The following CFAP221 variants were observed in gnomAD, a reference collection of about 807,000 sequenced individuals.
CFAP221 encodes the protein cilia- and flagella-associated protein 221.
A neutral mutation model predicts 113.1 loss-of-function variants in CFAP221; 97 were observed. That is an observed-to-expected ratio of 0.86 (90% CI 0.73 to 1.02). CFAP221 has a LOEUF of 1.02. CFAP221 is among the 50% of genes least tolerant of loss of function. The pLI is 0.00. For synonymous variants in CFAP221, 331 were observed against 354.4 expected (o/e 0.93, Z 0.74); for missense variants, 1,025 against 1,013.4 (o/e 1.01, Z -0.16).
Position 119,606,916 on chromosome 2 carries a change from G to A in CFAP221, c.1134-1586G>A, listed in dbSNP as rs541063294. Among the ~76,000 whole-genome samples, 3 of 152,112 alleles carry A rather than the reference G, an allele frequency of 2.0e-5. No homozygotes were observed. In the South Asian group the frequency reaches 6.2e-4, roughly 32 times the overall value. On this transcript the variant is annotated intron_variant, in intron 11 of 23. Transcript: ENST00000413369. Reference sequence around the variant, plus strand: ...TCCACACACATGCACACACACACCTGCATGCACCTTTTTCCCCTGAGCCAT... The same window carrying A: ...TCCACACACATGCACACACACACCTACATGCACCTTTTTCCCCTGAGCCAT...
At position 119,627,811 on chromosome 2, in the gene CFAP221, G is replaced by A. The variant is rs758900173; in HGVS notation, c.1650+25G>A. 1.3e-5 allele frequency: 21 copies of A among 1,612,032 alleles called. No homozygotes were observed. In the East Asian group the frequency reaches 1.3e-4, roughly 10 times the overall value. On this transcript the variant is annotated intron_variant, in intron 16 of 23. Transcript: ENST00000413369. The stretch of plus-strand genomic sequence containing the variant: ...GGTAGGTGCCGTCAGGCTTGGGGGC[G>A]GGGAGTGGACATGATCATGATCGTG...
intron 2 of CFAP221, among the ~76,000 whole-genome samples, chr2:119,547,515 C>T (rs534257336): frequency 5.3e-5 from 8 of 152,200 alleles, no homozygotes; most frequent in African/African-American, 1.4e-4. Context: ...GCCAAGATGG[C>T]GCCACTGCAC....
At chr2:119,561,094 G>C (rs1411244953) in intron 5 of CFAP221, among the ~76,000 whole-genome samples, 2 of 152,050 alleles carry the variant, frequency 1.3e-5, no homozygotes, top group East Asian at 3.9e-4. Flanking sequence ...TTTGAGACTA[G>C]CCTGGCCAAC....
In CFAP221 at chr2:119,605,213, A is replaced by G; in HGVS notation, c.1057A>G (p.Arg353Gly). Residue 353 changes from arginine to glycine, a missense_variant, in exon 11 of 24, where the codon AGA becomes GGA. Transcript: ENST00000413369. ...CCAGGGCACTGAAATTTCAAAAACG[A>G]GACAGATGAAGGAGGCACTCTTTGA... ...LDQGTEISKT[R>G]QMKEALFEQK... The G allele has an allele frequency of 6.2e-7, 1 of 1,614,230 alleles. No individual in the cohort carries two copies. The highest frequency in any genetic ancestry group is 8.5e-7 in the Non-Finnish European group (1 of 1,180,030).
chr2:119,568,922 G>A (rs762792391), intron 6 of CFAP221, among the ~76,000 whole-genome samples: 44 of 152,070 alleles, frequency 2.9e-4, no homozygotes, highest in Non-Finnish European at 5.1e-4. Context: ...ATTTTTGTCC[G>A]AGAAAGTTTT....
intron 2 of CFAP221, 68 bp downstream of exon 2, chr2:119,546,338 C>A: frequency 6.9e-7 from 1 of 1,448,630 alleles, no homozygotes; most frequent in Non-Finnish European, 9.2e-7. Context: ...GTCCAGAGAG[C>A]ATAATGGGAC....
chr2:119,657,820 A>T (rs1688489675), downstream of CFAP221, among the ~76,000 whole-genome samples: 1 of 152,170 alleles, frequency 6.6e-6, no homozygotes, highest in Non-Finnish European at 1.5e-5. Flanking sequence ...TGTGTGTCTA[A>T]TGCTTTCCCA....
At chr2:119,645,677 A>G (rs1362669438) in intron 21 of CFAP221, among the ~76,000 whole-genome samples, 2 of 152,066 alleles carry the variant, frequency 1.3e-5, no homozygotes, top group African/African-American at 4.8e-5. Flanking sequence ...ACAAAGACAT[A>G]TGTGCACACA....
chr2:119,614,736 A>G (rs1383234458), intron 13 of CFAP221, among the ~76,000 whole-genome samples: 1 of 152,228 alleles, frequency 6.6e-6, no homozygotes, highest in Admixed American at 6.5e-5. Context: ...ACACAGCCAA[A>G]CCATATCACT....
At chr2:119,564,203 T>C (rs1449771989) in intron 6 of CFAP221, among the ~76,000 whole-genome samples, 2 of 152,244 alleles carry the variant, frequency 1.3e-5, no homozygotes, top group East Asian at 3.9e-4. Flanking sequence ...ATATGAGCTT[T>C]GAGGTCCTTC....
chr2:119,639,809 A>G lies in CFAP221; in HGVS notation c.2162A>G (p.Lys721Arg). The G allele has an allele frequency of 1.9e-6, 3 of 1,614,132 alleles. No individual in the cohort carries two copies. The highest frequency in any genetic ancestry group is 2.5e-6 in the Non-Finnish European group (3 of 1,179,994). ...TDIIPGIMHW[K>R]SFQSLVLSSL... is the part of the protein sequence containing the mutation. ...ATTATTCCCGGAATAATGCACTGGAAAAGCTTCCAGTCCCTGGTTCTCTCC... is the reference window on the plus strand; with the variant it reads ...ATTATTCCCGGAATAATGCACTGGAGAAGCTTCCAGTCCCTGGTTCTCTCC... The change falls in exon 21 of 24, where the codon AAA becomes AGA. Residue 721 changes from lysine (K) to arginine (R), a missense_variant. Physicochemically the swap from Lys to Arg is conservative, Grantham distance 26. Transcript: ENST00000413369.
chr2:119,613,078 G>A (rs1685290119), intron 13 of CFAP221, among the ~76,000 whole-genome samples: 1 of 152,154 alleles, frequency 6.6e-6, no homozygotes, highest in Non-Finnish European at 1.5e-5. Flanking sequence ...AAACCTTAAA[G>A]ATCCAAAATT....
At chr2:119,626,467 GC>G (rs1196064817) in intron 15 of CFAP221, among the ~76,000 whole-genome samples, 1 of 152,060 alleles carries the variant, frequency 6.6e-6, no homozygotes, top group Non-Finnish European at 1.5e-5. Context: ...GTGAAGTTTG[GC>G]TGTGACTAGA....
intron 7 of CFAP221, among the ~76,000 whole-genome samples, chr2:119,588,929 G>A (rs929561262): frequency 1.1e-4 from 16 of 152,108 alleles, no homozygotes; most frequent in Non-Finnish European, 8.8e-5. Context: ...ACACTCAGAC[G>A]ATAGCAAGGG....
At chr2:119,554,609 T>G (rs2105025829) in intron 3 of CFAP221, among the ~76,000 whole-genome samples, 1 of 152,314 alleles carries the variant, frequency 6.6e-6, no homozygotes, top group Admixed American at 6.5e-5. Context: ...TATTACAGCC[T>G]TAGAGACCCT....
intron 2 of CFAP221, among the ~76,000 whole-genome samples, chr2:119,547,388 C>T (rs1398323983): frequency 6.6e-6 from 1 of 151,914 alleles, no homozygotes; most frequent in African/African-American, 2.4e-5. Flanking sequence ...GGTGAAACCC[C>T]AACTCTACTA....
At chr2:119,638,185 T>C in intron 19 of CFAP221, 74 bp from the exon 20 acceptor site, 2 of 1,507,290 alleles carry the variant, frequency 1.3e-6, no homozygotes, top group Non-Finnish European at 1.8e-6. Context: ...CAGACAGCAT[T>C]AGCTGATGCC....
At position 119,578,503 on chromosome 2, in the gene CFAP221, C is replaced by A. The variant is rs141049512; in HGVS notation, c.528-8616C>A. On this transcript the variant is annotated intron_variant, in intron 6 of 23. Coordinates refer to ENST00000413369, the MANE Select transcript of CFAP221 (RefSeq NM_001271049.2). Reference sequence around the variant, plus strand: ...AATGAGCAGTTGACAATGGAAAAGTCCTACTAAATTGACTTAACCCTAAAA... The same window carrying A: ...AATGAGCAGTTGACAATGGAAAAGTACTACTAAATTGACTTAACCCTAAAA... Among the ~76,000 whole-genome samples the A allele has an allele frequency of 1.8e-4, 28 of 152,322 alleles. No individual in the cohort carries two copies. The South Asian group carries it at 3.3e-3, about 18-fold the overall frequency.
intron 22 of CFAP221, among the ~76,000 whole-genome samples, chr2:119,649,270 A>G (rs1317112402): frequency 6.6e-6 from 1 of 152,210 alleles, no homozygotes; most frequent in East Asian, 1.9e-4. Flanking sequence ...ATTCTCATCC[A>G]GTACACTCCT....
Sources: allele counts gnomAD v4.1 joint callset (sites outside exome capture counted in the v4.1 genomes callset), GRCh38; gene constraint gnomAD v4.1.1; transcripts MANE v1.5; gene names NCBI Gene and HGNC (gene_info 2026-07-23, HGNC 2026-07-21).